The following C6orf62 variants were observed in gnomAD, a reference collection of about 807,000 sequenced individuals.
C6orf62 encodes uncharacterized protein C6orf62.
C6orf62 carries 16 observed loss-of-function variants against 26.8 expected under a neutral mutation model. That is an observed-to-expected ratio of 0.60 (90% CI 0.40 to 0.91). The LOEUF is 0.91. Among genes scored for constraint, C6orf62 ranks in the 40% least tolerant of loss-of-function variants. The pLI is 0.00. For synonymous variants in C6orf62, 112 were observed against 91.5 expected, an observed-to-expected ratio of 1.22 and a Z score of -1.28; for missense variants, 192 against 271.4, an observed-to-expected ratio of 0.71 and a Z score of 2.06.
At chr6:24,709,809 T>C in intron 3 of C6orf62, 1 of 985,448 alleles carries the variant, frequency 1.0e-6, no homozygotes, top group Non-Finnish European at 1.2e-6. Flanking sequence ...CCAGGCTTGA[T>C]GGAGAATTCA....
chr6:24,710,727 G>T, intron 3 of C6orf62: 1 of 713,180 alleles, frequency 1.4e-6, no homozygotes, highest in Non-Finnish European at 1.7e-6. Flanking sequence ...GACTGGGCAT[G>T]GTGGCTCAGA....
At chr6:24,710,463 T>C (rs777858834) in intron 3 of C6orf62, 1 of 458,068 alleles carries the variant, frequency 2.2e-6, no homozygotes. Context: ...AGGACTTCTT[T>C]ATGTTGGTCA....
chr6:24,720,212 A>G, upstream of C6orf62: 1 of 1,349,806 alleles, frequency 7.4e-7, no homozygotes, highest in South Asian at 1.9e-5. Context: ...CCCGGGACTC[A>G]CGGACCGACT....
intron 4 of C6orf62, chr6:24,707,003 A>AAGT (rs1269507547): frequency 6.6e-6 from 1 of 152,248 alleles, no homozygotes; most frequent in East Asian, 1.9e-4. Context: ...TATTTTTAAA[A>AAGT]AGTAGTTACC....
At chr6:24,720,031 C>CACAA, upstream of C6orf62, 1 of 1,490,486 alleles carries the variant, frequency 6.7e-7, no homozygotes. Context: ...ACCCTCCCCC[C>CACAA]AAAAAATTAA....
Position 24,709,138 on chromosome 6 carries a change from G to A in C6orf62, c.430-227C>T, listed in dbSNP as rs187404842. On this transcript the variant is annotated intron_variant, in intron 3 of 4. Transcript: ENST00000378119. ...CAGTAGCACTAGCCACATTTCAAATGCTCAACGGTCACATGACTACTGGCC... is the reference window on the plus strand; with the variant it reads ...CAGTAGCACTAGCCACATTTCAAATACTCAACGGTCACATGACTACTGGCC... The A allele has an allele frequency of 2.6e-4, 250 of 967,816 alleles. No homozygotes were observed. The African/African-American group carries it at 4.2e-3, about 16-fold the overall frequency. 60.0% of individuals were successfully genotyped at this position (967,816 alleles called of 1,614,324 possible).
In C6orf62 at chr6:24,718,877, T is replaced by C; in HGVS notation, c.-209A>G. The C allele has an allele frequency of 7.2e-7, 1 of 1,391,436 alleles. No homozygotes were observed. The highest frequency in any genetic ancestry group is 9.3e-7 in the Non-Finnish European group (1 of 1,079,620). The allele number at this position is 1,391,436 out of a possible 1,614,324, so 86.2% of individuals were successfully genotyped here. Reference sequence around the variant, plus strand: ...CAGGGTCAAGAAACAAAAGCTGCTGTCCAGTCATGTTTGGACAATAACGTT... The same window carrying C: ...CAGGGTCAAGAAACAAAAGCTGCTGCCCAGTCATGTTTGGACAATAACGTT... On this transcript the variant is annotated 5_prime_UTR_variant, in exon 1 of 5. Coordinates refer to ENST00000378119, the MANE Select transcript of C6orf62 (RefSeq NM_030939.5).
At position 24,716,164 on chromosome 6, in the gene C6orf62, T is replaced by C; in HGVS notation, c.290A>G (p.Tyr97Cys). 6.2e-7 allele frequency: 1 copy of C among 1,613,940 alleles called. No individual in the cohort carries two copies. The highest frequency in any genetic ancestry group is 8.5e-7 in the Non-Finnish European group (1 of 1,179,860). The change falls in exon 2 of 5, where the codon TAT becomes TGT. Residue 97 changes from tyrosine to cysteine, a missense_variant. Tyr to Cys is a radical substitution (Grantham distance 194). Transcript: ENST00000378119. ...KDVVQLHAPR[Y>C]QSMRRDVIGC... ...AGAACTTACCCTTCTCATAGACTGA[T>C]ATCGAGGAGCATGGAGCTGTACCAC...
Position 24,711,853 on chromosome 6 carries a change from G to A in C6orf62, c.429+2465C>T, listed in dbSNP as rs375546861. On this transcript the variant is annotated intron_variant, in intron 3 of 4. Coordinates refer to ENST00000378119, the MANE Select transcript of C6orf62 (RefSeq NM_030939.5). Reference sequence around the variant, plus strand: ...TTCTTACAATATTAACCTACTTACTGCAGTTGAATTCTAAAGTCATTACCT... The same window carrying A: ...TTCTTACAATATTAACCTACTTACTACAGTTGAATTCTAAAGTCATTACCT... Among the ~76,000 whole-genome samples the A allele has an allele frequency of 5.1e-4, 77 of 152,030 alleles. 1 individual carries two copies. The highest frequency in any genetic ancestry group is 1.4e-3 in the African/African-American group (59 of 41,380).
In C6orf62 at chr6:24,719,015, T is replaced by A; in HGVS notation, c.-347A>T. 8.9e-7 allele frequency: 1 copy of A among 1,118,220 alleles called. No individual in the cohort carries two copies. Among genetic ancestry groups the A allele is most frequent in the Non-Finnish European group, 1.1e-6 (1 of 910,616 alleles). The allele number at this position is 1,118,220 out of a possible 1,614,324, so 69.3% of individuals were successfully genotyped here. A position where few individuals can be genotyped will look rare whatever the true frequency, so the allele number is the denominator to read the frequency against. ...CCAAAATAAAGGCTTTGCGGAGAAA[T>A]GAAAAGCCTATAATCAGGATTTAGG... On this transcript the variant is annotated 5_prime_UTR_variant, in exon 1 of 5. Coordinates refer to ENST00000378119, the MANE Select transcript of C6orf62 (RefSeq NM_030939.5).
chr6:24,718,034 A>C (rs1779268569), intron 1 of C6orf62, among the ~76,000 whole-genome samples: 1 of 152,236 alleles, frequency 6.6e-6, no homozygotes, highest in Non-Finnish European at 1.5e-5. Flanking sequence ...TCACACTTCT[A>C]AACACAAATT....
chr6:24,708,334 G>C (rs1326888666), intron 4 of C6orf62, among the ~76,000 whole-genome samples: 1 of 151,622 alleles, frequency 6.6e-6, no homozygotes, highest in Non-Finnish European at 1.5e-5. Flanking sequence ...TGAGGCCTGG[G>C]AAATACTTTT....
chr6:24,708,039 T>C (rs1427236683), intron 4 of C6orf62, among the ~76,000 whole-genome samples: 1 of 151,634 alleles, frequency 6.6e-6, no homozygotes, highest in East Asian at 2.0e-4. Context: ...TCAGTGCTTC[T>C]GGAAACAAAG....
chr6:24,716,287 A>G lies in C6orf62; in HGVS notation c.167T>C (p.Ile56Thr). The change falls in exon 2 of 5, where the codon ATA becomes ACA. Residue 56 changes from isoleucine to threonine, a missense_variant. Ile to Thr is a moderately conservative substitution (Grantham distance 89). Coordinates refer to ENST00000378119, the MANE Select transcript of C6orf62 (RefSeq NM_030939.5). Reference protein sequence around the residue: ...KSALFEVSEVIPVMTNNYEEN... With the variant: ...KSALFEVSEVTPVMTNNYEEN... ...TTCATAATTATTTGTCATGACTGGT[A>G]TAACCTCAGACACTTCAAAAAGTGC... 2 of 1,614,104 alleles carry G rather than the reference A, an allele frequency of 1.2e-6. No individual in the cohort carries two copies. Among genetic ancestry groups the G allele is most frequent in the African/African-American group, 1.3e-5 (1 of 75,054 alleles).
At chr6:24,713,709 C>A (rs1461799851) in intron 3 of C6orf62, among the ~76,000 whole-genome samples, 1 of 152,088 alleles carries the variant, frequency 6.6e-6, no homozygotes, top group Non-Finnish European at 1.5e-5. Context: ...GCATAATTAA[C>A]ACTTTGGTGG....
chr6:24,711,361 T>C (rs1325382500), intron 3 of C6orf62, among the ~76,000 whole-genome samples: 1 of 152,146 alleles, frequency 6.6e-6, no homozygotes, highest in Non-Finnish European at 1.5e-5. Context: ...GGCAGTAGCA[T>C]TAATAATGAA....
intron 4 of C6orf62, among the ~76,000 whole-genome samples, chr6:24,708,421 G>A (rs1463331577): frequency 1.3e-5 from 2 of 152,088 alleles, no homozygotes; most frequent in African/African-American, 4.8e-5. Context: ...AGATCTCACT[G>A]TAGCCTCCTA....
At chr6:24,719,202 A>C (rs1779303255), upstream of C6orf62, 4 of 987,366 alleles carry the variant, frequency 4.1e-6, no homozygotes, top group Non-Finnish European at 4.8e-6. Flanking sequence ...CCAAAACCAA[A>C]CACCAAAACA....
upstream of C6orf62, chr6:24,720,483 G>A (rs1339062055): frequency 5.2e-6 from 4 of 764,714 alleles, no homozygotes; most frequent in East Asian, 1.3e-4. Context: ...GGAAGGACGC[G>A]GAGACAGCGG....
Sources: gnomAD v4.1 joint callset for allele counts (sites outside exome capture counted in the v4.1 genomes callset) on GRCh38, gnomAD v4.1.1 for gene constraint, MANE v1.5 for transcripts, NCBI Gene and HGNC (gene_info 2026-07-23, HGNC 2026-07-21) for gene names.